Variants in NIN observed in about 807,000 individuals in gnomAD.
NIN encodes glycogen synthase kinase 3 beta-interacting protein.
In NIN, 137 loss-of-function variants were observed where a neutral mutation model predicts 257.6. The observed-to-expected ratio is 0.53, with a 90% confidence interval of 0.46 to 0.61. The LOEUF (loss-of-function observed/expected upper bound fraction) is 0.61. Among genes scored for constraint, NIN ranks in the 20% least tolerant of loss-of-function variants. The probability of loss-of-function intolerance (pLI) is 0.00; values close to 1 mark genes in which losing one functional copy is unlikely to be tolerated. For synonymous variants in NIN, 918 were observed against 919.8 expected (o/e 1.00, Z 0.04); for missense variants, 2,439 against 2,501.2 (o/e 0.98, Z 0.53).
chr14:50,727,777 C>T (rs1439585072), intron 29 of NIN: 2 of 1,417,820 alleles, frequency 1.4e-6, no homozygotes, highest in South Asian at 2.3e-5. Context: ...AAGTAGTACA[C>T]TTCACCCTCA....
chr14:50,769,674 G>C (rs2042646105), intron 12 of NIN, among the ~76,000 whole-genome samples: 2 of 152,102 alleles, frequency 1.3e-5, no homozygotes, highest in African/African-American at 2.4e-5. Flanking sequence ...CTAATTTTTT[G>C]TATTTTTAGT....
chr14:50,782,332 G>GTACA (rs1257387009), intron 5 of NIN, among the ~76,000 whole-genome samples: 2 of 152,122 alleles, frequency 1.3e-5, no homozygotes, highest in African/African-American at 4.8e-5. Context: ...GTGTAAATAT[G>GTACA]TACATGATAG....
At chr14:50,742,910 A>G (rs566681958) in intron 24 of NIN, among the ~76,000 whole-genome samples, 4 of 152,264 alleles carry the variant, frequency 2.6e-5, no homozygotes, top group Admixed American at 2.6e-4. Flanking sequence ...GGAAATATTT[A>G]AATTATTTTG....
chr14:50,790,082 T>A (rs560904295), intron 5 of NIN, among the ~76,000 whole-genome samples: 1 of 152,238 alleles, frequency 6.6e-6, no homozygotes, highest in East Asian at 1.9e-4. Flanking sequence ...GGAGACAAGG[T>A]CTTGCTCTGT....
intron 6 of NIN, among the ~76,000 whole-genome samples, chr14:50,777,681 T>TA (rs11433979): frequency 0.63 from 94,308 of 149,240 alleles, 31,846 homozygotes; most frequent in East Asian, 0.83. Context: ...CAACTGAAAT[T>TA]AAAAAAAAAA....
intron 2 of NIN, among the ~76,000 whole-genome samples, chr14:50,825,757 T>A (rs2045429449): frequency 6.6e-6 from 1 of 152,230 alleles, no homozygotes; most frequent in Non-Finnish European, 1.5e-5. Flanking sequence ...TCCACCTTTA[T>A]GTGTTAGCCA....
At chr14:50,785,584 G>C (rs1265575118) in intron 5 of NIN, among the ~76,000 whole-genome samples, 5 of 152,244 alleles carry the variant, frequency 3.3e-5, no homozygotes. Flanking sequence ...CTGAGCTGTA[G>C]TGTGCATTTA....
At position 50,754,725 on chromosome 14, in the gene NIN, G is replaced by T; in HGVS notation, c.4664+17C>A. 3.2e-6 allele frequency: 5 copies of T among 1,580,452 alleles called. No individual in the cohort carries two copies. Among genetic ancestry groups the T allele is most frequent in the East Asian group, 2.3e-5 (1 of 44,316 alleles). On this transcript the variant is annotated intron_variant, in intron 19 of 30. Coordinates refer to ENST00000530997, the MANE Select transcript of NIN (RefSeq NM_020921.4). ...CTTTGCAAAAATGTCTTAGGAAAAT[G>T]TAAGTATACGTCTTACCACATTTCT...
intron 29 of NIN, 151 bp downstream of exon 29, chr14:50,729,372 C>T (rs563434135): frequency 2.7e-5 from 18 of 675,688 alleles, no homozygotes; most frequent in South Asian, 8.4e-5. Flanking sequence ...TGGCCTCAAG[C>T]GATCCTCCCG....
At chr14:50,772,845 C>A in intron 8 of NIN, 104 bp downstream of exon 8, 1 of 947,174 alleles carries the variant, frequency 1.1e-6, no homozygotes, top group South Asian at 1.6e-5. Context: ...GCTTCCCTCT[C>A]TTTCCTTAGT....
intron 12 of NIN, among the ~76,000 whole-genome samples, chr14:50,769,172 T>G (rs1213583311): frequency 6.6e-6 from 1 of 152,220 alleles, no homozygotes; most frequent in Non-Finnish European, 1.5e-5. Flanking sequence ...GTGCCTCATC[T>G]CATTTAGCCC....
chr14:50,759,759 G>C (rs1357835479), intron 17 of NIN, 98 bp downstream of exon 17: 5 of 1,319,684 alleles, frequency 3.8e-6, no homozygotes, highest in Non-Finnish European at 5.2e-6. Context: ...AGAGTGCTGG[G>C]ATTACAGGCG....
At chr14:50,758,663 C>G (rs754606259) in intron 17 of NIN, 33 bp from the exon 18 acceptor site, 7 of 1,514,994 alleles carry the variant, frequency 4.6e-6, no homozygotes, top group Non-Finnish European at 6.2e-6. Flanking sequence ...ATTATTGAAA[C>G]TGCCGCCAAC....
chr14:50,825,618 C>T (rs2045423638), intron 2 of NIN, among the ~76,000 whole-genome samples: 1 of 152,216 alleles, frequency 6.6e-6, no homozygotes. Flanking sequence ...TCTCCTTGAA[C>T]AAAATGGGGG....
At chr14:50,825,864 C>A (rs1280455327) in intron 2 of NIN, among the ~76,000 whole-genome samples, 1 of 152,218 alleles carries the variant, frequency 6.6e-6, no homozygotes, top group Non-Finnish European at 1.5e-5. Flanking sequence ...TTCCTTCCTA[C>A]CTCCCTTGAT....
chr14:50,773,236 C>T, intron 7 of NIN, 141 bp from the exon 8 acceptor site: 1 of 562,886 alleles, frequency 1.8e-6, no homozygotes, highest in Non-Finnish European at 3.0e-6. Context: ...TCTCACTTTA[C>T]TGGTTTCCCT....
chr14:50,772,596 T>C (rs1334401828), intron 8 of NIN, 128 bp from the exon 9 acceptor site: 10 of 794,614 alleles, frequency 1.3e-5, no homozygotes, highest in Non-Finnish European at 2.0e-5. Context: ...AAAAAAGTCA[T>C]GCAGCCTCTC....
chr14:50,723,482 G>A lies in NIN; in HGVS notation c.6383C>T (p.Thr2128Ile). The A allele has an allele frequency of 3.1e-6, 5 of 1,612,636 alleles. No individual in the cohort carries two copies. Among genetic ancestry groups the A allele is most frequent in the Non-Finnish European group, 3.4e-6 (4 of 1,179,722 alleles). Residue 2128 changes from threonine (T) to isoleucine (I), a missense_variant, in exon 31 of 31, where the codon ACA becomes ATA. Transcript: ENST00000530997. The stretch of plus-strand genomic sequence containing the variant: ...GTTTGGCTATGACCTCAAAGGAGGT[G>A]TAGAAGTCAATGGCGCTGGTGTCAG... ...RNLTPAPLTS[T>I]PPLRS is the part of the protein sequence containing the mutation.
rs963888273 is a variant in NIN at position 50,722,165 on chromosome 14, A to G, written c.*1298T>C. The G allele has an allele frequency of 4.4e-6, 1 of 227,812 alleles. No individual in the cohort carries two copies. The highest frequency in any genetic ancestry group is 2.2e-5 in the African/African-American group (1 of 45,016). The allele number at this position is 227,812 out of a possible 1,614,324, so 14.1% of individuals were successfully genotyped here. A position where few individuals can be genotyped will look rare whatever the true frequency, so the allele number is the denominator to read the frequency against. ...GCTAGCAGAGATTATAATTGGAAGA[A>G]AAAAAAGGTTACCGAATCTAAAATG... On this transcript the variant is annotated 3_prime_UTR_variant, in exon 31 of 31. Coordinates refer to ENST00000530997, the MANE Select transcript of NIN (RefSeq NM_020921.4).
Sources: gnomAD v4.1 joint callset for allele counts (sites outside exome capture counted in the v4.1 genomes callset) on GRCh38, gnomAD v4.1.1 for gene constraint, MANE v1.5 for transcripts, NCBI Gene and HGNC (gene_info 2026-07-23, HGNC 2026-07-21) for gene names.